Variants in CEP55 observed in about 807,000 individuals in gnomAD.
The protein encoded by CEP55 is centrosomal protein 55, also known as centrosomal protein of 55 kDa.
In CEP55, 57 loss-of-function variants were observed where a neutral mutation model predicts 63.2. The observed-to-expected ratio is 0.90, with a 90% CI of 0.73 to 1.13. The LOEUF (loss-of-function observed/expected upper bound fraction) is 1.13, where lower values mean the gene tolerates loss of function less well. Ranked by LOEUF, CEP55 falls within the 50% of genes most tolerant of loss-of-function variation. The pLI is 0.00. For missense variants in CEP55, 456 were observed against 518.9 expected (o/e 0.88, Z 1.18); for synonymous variants, 178 against 191.6 (o/e 0.93, Z 0.59).
chr10:93,510,925 C>T (rs2057740852), intron 4 of CEP55, among the ~76,000 whole-genome samples: 1 of 147,722 alleles, frequency 6.8e-6, no homozygotes, highest in African/African-American at 2.5e-5. Flanking sequence ...ACCTTTATAG[C>T]ATTCCACAGG....
At chr10:93,526,789 C>T (rs976571092) in intron 8 of CEP55, among the ~76,000 whole-genome samples, 9 of 152,044 alleles carry the variant, frequency 5.9e-5, no homozygotes, top group African/African-American at 1.9e-4. Context: ...TGTAGGGACA[C>T]GGATGAAGCT....
At chr10:93,498,865 T>G in intron 1 of CEP55, among the ~76,000 whole-genome samples, 1 of 151,876 alleles carries the variant, frequency 6.6e-6, no homozygotes, top group East Asian at 1.9e-4. Context: ...ACCTGGTAAA[T>G]AGTAGGCTTT....
intron 8 of CEP55, among the ~76,000 whole-genome samples, chr10:93,521,385 G>T (rs1404593912): frequency 6.6e-6 from 1 of 152,210 alleles, no homozygotes; most frequent in East Asian, 1.9e-4. Flanking sequence ...CAAGGTAGCA[G>T]TGAGGCTGGG....
At chr10:93,525,487 C>A (rs371521478) in intron 8 of CEP55, among the ~76,000 whole-genome samples, 1 of 152,124 alleles carries the variant, frequency 6.6e-6, no homozygotes, top group Non-Finnish European at 1.5e-5. Context: ...GGAAGAATCA[C>A]TATTGTGAAA....
In CEP55 at chr10:93,500,129, A is replaced by G. The variant is rs536399744; in HGVS notation, c.78A>G (p.Thr26=). 2.5e-5 allele frequency: 40 copies of G among 1,613,692 alleles called. No homozygotes were observed. The highest frequency in any genetic ancestry group is 3.3e-5 in the Non-Finnish European group (39 of 1,179,772). The stretch of plus-strand genomic sequence containing the variant: ...CTAGTAACTCCAAATCCGAAACTAC[A>G]TTAGAAAAATTAAAGGGAGAAATTG... ...SKPSNSKSET[T]LEKLKGEIAH... Residue 26 remains threonine, a synonymous_variant, in exon 2 of 9, where the codon ACA becomes ACG. Transcript: ENST00000371485.
chr10:93,523,332 C>G (rs1164858740), intron 8 of CEP55, among the ~76,000 whole-genome samples: 1 of 152,076 alleles, frequency 6.6e-6, no homozygotes, highest in Non-Finnish European at 1.5e-5. Flanking sequence ...AAGATCAAAA[C>G]AGACAAAGAA....
chr10:93,499,060 A>G (rs1054555798), intron 1 of CEP55, among the ~76,000 whole-genome samples: 1 of 152,144 alleles, frequency 6.6e-6, no homozygotes, highest in Admixed American at 6.5e-5. Flanking sequence ...TAAAGTTTAT[A>G]TTATATACTT....
intron 4 of CEP55, among the ~76,000 whole-genome samples, chr10:93,511,571 C>CT (rs148842539): frequency 0.065 from 9,858 of 151,986 alleles, 355 homozygotes; most frequent in Non-Finnish European, 0.076. Context: ...GTTTCTCATA[C>CT]TTAAGTGATG....
chr10:93,511,426 G>A (rs1038965847), intron 4 of CEP55, among the ~76,000 whole-genome samples: 2 of 152,104 alleles, frequency 1.3e-5, no homozygotes, highest in African/African-American at 4.8e-5. Context: ...TATCAACTCC[G>A]TGTATTGATA....
chr10:93,505,489 A>C (rs73325406), intron 3 of CEP55, among the ~76,000 whole-genome samples: 1,929 of 152,252 alleles, frequency 0.013, 44 homozygotes, highest in African/African-American at 0.044. Flanking sequence ...GGCTCCACTA[A>C]CCACAGGGAA....
At chr10:93,523,584 C>T (rs1415658683) in intron 8 of CEP55, among the ~76,000 whole-genome samples, 8 of 152,098 alleles carry the variant, frequency 5.3e-5, no homozygotes, top group East Asian at 1.9e-4. Flanking sequence ...CTGCACCAAG[C>T]GGACCTAATA....
At position 93,503,164 on chromosome 10, in the gene CEP55, G is replaced by C; in HGVS notation, c.235G>C (p.Glu79Gln). Reference sequence around the variant, plus strand: ...GGAGAAGAATGCTTATCAACTCACAGAGAAGGACAAAGAAATACAGCGACT... The same window carrying C: ...GGAGAAGAATGCTTATCAACTCACACAGAAGGACAAAGAAATACAGCGACT... ...EKEKNAYQLTEKDKEIQRLRD... is the reference protein window; with the variant it reads ...EKEKNAYQLTQKDKEIQRLRD... Residue 79 changes from glutamate to glutamine, a missense_variant, in exon 3 of 9, where the codon GAG becomes CAG. Coordinates refer to ENST00000371485, the MANE Select transcript of CEP55 (RefSeq NM_018131.5). 1 of 1,614,126 alleles carries C rather than the reference G, an allele frequency of 6.2e-7. No individual in the cohort carries two copies. Among genetic ancestry groups the C allele is most frequent in the Non-Finnish European group, 8.5e-7 (1 of 1,180,010 alleles).
intron 2 of CEP55, among the ~76,000 whole-genome samples, chr10:93,501,944 T>C (rs2057639650): frequency 6.6e-6 from 1 of 152,222 alleles, no homozygotes; most frequent in East Asian, 1.9e-4. Context: ...TTTGTTCCTT[T>C]ATAATCAATT....
chr10:93,513,084 C>T (rs1041320447), intron 4 of CEP55, among the ~76,000 whole-genome samples: 7 of 152,164 alleles, frequency 4.6e-5, no homozygotes, highest in Admixed American at 1.3e-4. Context: ...ACACTATTGA[C>T]GATATATAAT....
chr10:93,522,728 C>T (rs1233072395), intron 8 of CEP55, among the ~76,000 whole-genome samples: 2 of 152,330 alleles, frequency 1.3e-5, no homozygotes, highest in East Asian at 3.9e-4. Flanking sequence ...ATCAGACTAA[C>T]AGCTGATCTC....
chr10:93,528,349 C>T lies in CEP55; in HGVS notation c.*196C>T, dbSNP rs1196459540. 1.7e-6 allele frequency: 1 copy of T among 587,016 alleles called. No individual in the cohort carries two copies. Among genetic ancestry groups the T allele is most frequent in the Non-Finnish European group, 3.0e-6 (1 of 330,240 alleles). 36.4% of individuals were successfully genotyped at this position (587,016 alleles called of 1,614,324 possible). The stretch of plus-strand genomic sequence containing the variant: ...GCAGTGATACCTCCCTGACATGGTT[C>T]ATCATCAGGCTGCAATGACAGAATG... On this transcript the variant is annotated 3_prime_UTR_variant, in exon 9 of 9. Transcript: ENST00000371485.
At chr10:93,519,191 G>A in intron 7 of CEP55, 1 of 469,854 alleles carries the variant, frequency 2.1e-6, no homozygotes, top group South Asian at 3.2e-5. Flanking sequence ...TTCTTGACAG[G>A]TAGATGTTGG....
chr10:93,521,192 C>G (rs976711130), intron 8 of CEP55, among the ~76,000 whole-genome samples: 1 of 152,068 alleles, frequency 6.6e-6, no homozygotes, highest in African/African-American at 2.4e-5. Flanking sequence ...ATTCCCTTTT[C>G]TAGCCAAGGA....
chr10:93,512,514 C>CAAA (rs10707952), intron 4 of CEP55, among the ~76,000 whole-genome samples: 1 of 91,908 alleles, frequency 1.1e-5, no homozygotes, highest in African/African-American at 4.0e-5. Context: ...AACTCCGTCT[C>CAAA]AAAAAAAAAA....
Sources: allele counts gnomAD v4.1 joint callset (sites outside exome capture counted in the v4.1 genomes callset), GRCh38; gene constraint gnomAD v4.1.1; transcripts MANE v1.5; gene names NCBI Gene and HGNC (gene_info 2026-07-23, HGNC 2026-07-21).